Variants in ANKRD12 observed in about 807,000 individuals in gnomAD.
The protein encoded by ANKRD12 is ankyrin repeat domain 12.
ANKRD12 carries 85 observed loss-of-function variants against 183.4 expected under a neutral mutation model. The ratio of observed to expected loss-of-function variants is 0.46; its 90% CI spans 0.39 to 0.56. ANKRD12 has a LOEUF of 0.56. Among genes scored for constraint, ANKRD12 ranks in the 20% least tolerant of loss-of-function variants. The pLI is 0.00. For synonymous variants in ANKRD12, 914 were observed against 800.2 expected, an observed-to-expected ratio of 1.14 and a Z score of -2.40; for missense variants, 2,405 against 2,357.1, an observed-to-expected ratio of 1.02 and a Z score of -0.42.
Position 9,258,057 on chromosome 18 carries a change from C to G in ANKRD12, c.4790C>G (p.Ser1597Cys). 1 of 1,613,394 alleles carries G rather than the reference C, an allele frequency of 6.2e-7. No individual in the cohort carries two copies. The highest frequency in any genetic ancestry group is 1.3e-5 in the African/African-American group (1 of 75,030). ...AAGGACTTTAATGGAAGTGATGCCT[C>G]TACCCAGCTAAATACACATTATGCA... ...SEKDFNGSDASTQLNTHYAFS... is the reference protein window; with the variant it reads ...SEKDFNGSDACTQLNTHYAFS... Residue 1597 changes from serine (S) to cysteine (C), a missense_variant, in exon 9 of 13, where the codon TCT becomes TGT. By Grantham distance (112) the Ser-to-Cys change is moderately radical. Transcript: ENST00000262126.
chr18:9,258,139 T>A lies in ANKRD12; in HGVS notation c.4872T>A (p.Thr1624=). The A allele has an allele frequency of 6.2e-7, 1 of 1,613,708 alleles. No homozygotes were observed. Among genetic ancestry groups the A allele is most frequent in the African/African-American group, 1.3e-5 (1 of 75,038 alleles). ...SSGHEVENST[T]DTQVISHEKE... is the part of the protein sequence containing the mutation. ...GCCATGAAGTTGAGAATAGCACAACTGATACTCAGGTCATTTCACATGAAA... is the reference window on the plus strand; with the variant it reads ...GCCATGAAGTTGAGAATAGCACAACAGATACTCAGGTCATTTCACATGAAA... The change falls in exon 9 of 13, where the codon ACT becomes ACA. Residue 1624 remains threonine, a synonymous_variant. Coordinates refer to ENST00000262126, the MANE Select transcript of ANKRD12 (RefSeq NM_015208.5).
At chr18:9,236,191 C>A (rs1336167640) in intron 8 of ANKRD12, among the ~76,000 whole-genome samples, 1 of 151,986 alleles carries the variant, frequency 6.6e-6, no homozygotes, top group Non-Finnish European at 1.5e-5. Context: ...GGATTGACAT[C>A]GATATTTGAA....
At chr18:9,190,492 T>TTAAA (rs572563220) in intron 2 of ANKRD12, among the ~76,000 whole-genome samples, 45 of 152,246 alleles carry the variant, frequency 3.0e-4, no homozygotes, top group Non-Finnish European at 4.7e-4. Flanking sequence ...AGCAGCAGAG[T>TTAAA]TAAATAAGAT....
At chr18:9,280,410 G>T (rs954019442) in intron 12 of ANKRD12, among the ~76,000 whole-genome samples, 9 of 152,210 alleles carry the variant, frequency 5.9e-5, no homozygotes, top group Non-Finnish European at 1.0e-4. Context: ...TGACCCGGGG[G>T]TTGGGGACCC....
chr18:9,226,814 A>G (rs1040764976), intron 8 of ANKRD12, among the ~76,000 whole-genome samples: 2 of 152,178 alleles, frequency 1.3e-5, no homozygotes, highest in Non-Finnish European at 1.5e-5. Context: ...ATCATGAGAA[A>G]TGCTCTTTTT....
rs547113880 is a variant in ANKRD12 at position 9,234,681 on chromosome 18, G to A, written c.943+12682G>A. Among the ~76,000 whole-genome samples, 68 of 152,266 alleles carry A rather than the reference G, an allele frequency of 4.5e-4. 3 individuals are homozygous for A. In the South Asian group the frequency reaches 0.014, roughly 32 times the overall value. On this transcript the variant is annotated intron_variant, in intron 8 of 12. Transcript: ENST00000262126. ...CAGGGCAGGATGAAGTCTCCTGACA[G>A]CTGGGCTGTCGTGGTGGTGCCCAGT... is the stretch of plus-strand genomic sequence containing the variant.
chr18:9,185,974 A>G (rs971097514), intron 2 of ANKRD12, among the ~76,000 whole-genome samples: 5 of 152,204 alleles, frequency 3.3e-5, no homozygotes, highest in South Asian at 2.1e-4. Flanking sequence ...AGTGAAGATT[A>G]TATTTGTGGA....
chr18:9,188,753 G>A (rs2034267475), intron 2 of ANKRD12, among the ~76,000 whole-genome samples: 1 of 152,178 alleles, frequency 6.6e-6, no homozygotes, highest in African/African-American at 2.4e-5. Flanking sequence ...ATGATGATTA[G>A]TGATCTTTGT....
At position 9,258,311 on chromosome 18, in the gene ANKRD12, A is replaced by G. The variant is rs372100647; in HGVS notation, c.5044A>G (p.Ile1682Val). Reference protein sequence around the residue: ...CPESEKCLLSIEDEESQQSIL... With the variant: ...CPESEKCLLSVEDEESQQSIL... ...TGAAAGTGAAAAGTGTTTGCTTTCC[A>G]TAGAAGATGAGGAATCTCAACAAAG... The change falls in exon 9 of 13, where the codon ATA (isoleucine) becomes GTA (valine). Residue 1682 changes from isoleucine (I) to valine (V), a missense_variant. Physicochemically the swap from Ile to Val is conservative, Grantham distance 29 (BLOSUM62 3). Around this residue, in one of 7 missense-constraint regions of ANKRD12, gnomAD observed 1,983 missense variants for 1,725.9 expected, o/e 1.15. Coordinates refer to ENST00000262126, the MANE Select transcript of ANKRD12 (RefSeq NM_015208.5). 4.9e-5 allele frequency: 79 copies of G among 1,613,618 alleles called. No homozygotes were observed. Among genetic ancestry groups the G allele is most frequent in the Non-Finnish European group, 6.1e-5 (72 of 1,179,946 alleles).
intron 1 of ANKRD12, among the ~76,000 whole-genome samples, chr18:9,177,184 T>C (rs908775652): frequency 6.6e-6 from 1 of 152,080 alleles, no homozygotes; most frequent in African/African-American, 2.4e-5. Flanking sequence ...GAAATTGAAG[T>C]GCAAGCAGTG....
intron 10 of ANKRD12, among the ~76,000 whole-genome samples, chr18:9,269,270 T>C (rs2145386465): frequency 6.6e-6 from 1 of 152,316 alleles, no homozygotes; most frequent in Admixed American, 6.5e-5. Context: ...AAAAAACTAC[T>C]TTAAAGTTCA....
chr18:9,157,582 T>TGG lies in ANKRD12; in HGVS notation c.-52+20618_-52+20619insGG, dbSNP rs1568231387. On this transcript the variant is annotated intron_variant, in intron 1 of 12. Transcript: ENST00000262126. ...GTGTGTGTGTGTGTGTGTGTGTGTG[T>TGG]GTGTATATATATATATATGTATTTT... Among the ~76,000 whole-genome samples the TGG allele has an allele frequency of 7.2e-4, 87 of 121,472 alleles. No individual in the cohort carries two copies. In the Middle Eastern group the frequency reaches 0.03, roughly 42 times the overall value. 79.7% of individuals were successfully genotyped at this position (121,472 alleles called of 152,430 possible).
chr18:9,157,629 GTCTTGC>G (rs945929675), intron 1 of ANKRD12, among the ~76,000 whole-genome samples: 6 of 125,758 alleles, frequency 4.8e-5, no homozygotes, highest in Non-Finnish European at 9.8e-5. Context: ...TTGAGATGGA[GTCTTGC>G]TCTGTCTCCC....
intron 1 of ANKRD12, among the ~76,000 whole-genome samples, chr18:9,141,862 A>T (rs1287810260): frequency 6.6e-6 from 1 of 152,228 alleles, no homozygotes; most frequent in Non-Finnish European, 1.5e-5. Context: ...GACAATTAAG[A>T]TTAATCTCTA....
chr18:9,285,191 A>T lies in ANKRD12; in HGVS notation c.*4065A>T, dbSNP rs1325918993. On this transcript the variant is annotated 3_prime_UTR_variant, in exon 13 of 13. Transcript: ENST00000262126. ...GCCACTGCACTCCAGCCTGGGCGAC[A>T]GAGCGAGACTCCGTCTCAAAAAAAA... is the stretch of plus-strand genomic sequence containing the variant. 6.6e-6 allele frequency: 1 copy of T among 150,852 alleles called. No individual in the cohort carries two copies. Among genetic ancestry groups the T allele is most frequent in the Non-Finnish European group, 1.5e-5 (1 of 67,578 alleles). 9.3% of individuals were successfully genotyped at this position (150,852 alleles called of 1,614,324 possible).
chr18:9,233,040 A>C (rs764871668), intron 8 of ANKRD12, among the ~76,000 whole-genome samples: 1 of 151,246 alleles, frequency 6.6e-6, no homozygotes, highest in Non-Finnish European at 1.5e-5. Flanking sequence ...TTAAAGAGAC[A>C]GGGGTTTCAC....
intron 9 of ANKRD12, among the ~76,000 whole-genome samples, chr18:9,262,786 CCTTTTTTTT>C (rs1356233715): frequency 9.1e-5 from 8 of 87,940 alleles, no homozygotes; most frequent in Admixed American, 1.4e-4. Flanking sequence ...CCAAGATGTC[CCTTTTTTTT>C]TTTTTTTTTT....
At chr18:9,184,407 T>A (rs963293719) in intron 2 of ANKRD12, among the ~76,000 whole-genome samples, 1 of 152,152 alleles carries the variant, frequency 6.6e-6, no homozygotes, top group Non-Finnish European at 1.5e-5. Context: ...TTTTTCCTTT[T>A]TGAGACAGAA....
chr18:9,161,161 G>A (rs34403233), intron 1 of ANKRD12, among the ~76,000 whole-genome samples: 1 of 151,854 alleles, frequency 6.6e-6, no homozygotes, highest in Non-Finnish European at 1.5e-5. Flanking sequence ...GCTTACCTTA[G>A]TTCAGTCAGA....
Sources: allele counts gnomAD v4.1 joint callset (sites outside exome capture counted in the v4.1 genomes callset), GRCh38; gene constraint gnomAD v4.1.1; regional missense constraint gnomAD v4.1.1; transcripts MANE v1.5; gene names NCBI Gene and HGNC (gene_info 2026-07-23, HGNC 2026-07-21).